TBXAS1: variants seen among roughly 807,000 people sequenced by gnomAD.
TBXAS1 encodes thromboxane-A synthase.
Under a neutral mutation model 60.7 loss-of-function variants are expected in TBXAS1, and 48 were observed. That is an observed-to-expected ratio of 0.79 (90% CI 0.63 to 1.01). The LOEUF (loss-of-function observed/expected upper bound fraction) is 1.01. TBXAS1 is among the 50% of genes least tolerant of loss of function. TBXAS1 has a pLI of 0.00. For synonymous variants in TBXAS1, 287 were observed against 269.7 expected (o/e 1.06, Z -0.63); for missense variants, 685 against 686.3 (o/e 1.00, Z 0.02).
At chr7:139,991,061 T>C (rs909244671) in intron 9 of TBXAS1, among the ~76,000 whole-genome samples, 4 of 152,190 alleles carry the variant, frequency 2.6e-5, no homozygotes, top group African/African-American at 9.7e-5. Context: ...CCACGATCTA[T>C]GGGCTGAAAC....
At chr7:139,994,947 C>G (rs1000103054) in intron 9 of TBXAS1, among the ~76,000 whole-genome samples, 2 of 152,220 alleles carry the variant, frequency 1.3e-5, no homozygotes, top group African/African-American at 4.8e-5. Context: ...GGGCCCTGAC[C>G]AGGGAGGACG....
At chr7:139,780,432 A>G (rs1796945471) in intron 1 of TBXAS1, among the ~76,000 whole-genome samples, 1 of 152,224 alleles carries the variant, frequency 6.6e-6, no homozygotes, top group Non-Finnish European at 1.5e-5. Flanking sequence ...GACAGAAACC[A>G]TGTTTTTCTT....
chr7:139,861,387 C>G (rs1218337050), intron 1 of TBXAS1, among the ~76,000 whole-genome samples: 5 of 151,208 alleles, frequency 3.3e-5, no homozygotes, highest in Admixed American at 3.3e-4. Flanking sequence ...GCATGCACCA[C>G]CACACCTGGC....
At chr7:139,904,800 T>C (rs1408287070) in intron 3 of TBXAS1, among the ~76,000 whole-genome samples, 2 of 152,198 alleles carry the variant, frequency 1.3e-5, no homozygotes, top group Admixed American at 6.5e-5. Flanking sequence ...TAATCTTGTA[T>C]CTGGAAACTT....
At chr7:139,806,242 GTTATTTTATTTTATT>G (rs56308016) in intron 4 of TBXAS1, among the ~76,000 whole-genome samples, 6 of 126,032 alleles carry the variant, frequency 4.8e-5, no homozygotes, top group Admixed American at 1.6e-4. Flanking sequence ...CCTGGCCTAT[GTTATTTTATTTTATT>G]TTATTTTATT....
intron 4 of TBXAS1, among the ~76,000 whole-genome samples, chr7:139,794,801 G>A (rs1445641409): frequency 3.3e-5 from 5 of 150,944 alleles, no homozygotes; most frequent in Admixed American, 6.6e-5. Flanking sequence ...TACTGAGAAT[G>A]ATGTTTTCCA....
chr7:139,885,800 C>G (rs1172393692), intron 3 of TBXAS1, among the ~76,000 whole-genome samples: 1 of 152,134 alleles, frequency 6.6e-6, no homozygotes, highest in Non-Finnish European at 1.5e-5. Context: ...AAAACCAGTT[C>G]TAAATCTTGT....
chr7:139,879,237 C>T (rs1802497159), intron 3 of TBXAS1, among the ~76,000 whole-genome samples: 1 of 152,238 alleles, frequency 6.6e-6, no homozygotes, highest in Non-Finnish European at 1.5e-5. Context: ...AAAATATCTT[C>T]ACCAAGTGTC....
chr7:139,900,258 C>T (rs1327073286), intron 3 of TBXAS1, among the ~76,000 whole-genome samples: 1 of 152,194 alleles, frequency 6.6e-6, no homozygotes, highest in East Asian at 1.9e-4. Flanking sequence ...CAGTAAACTA[C>T]AGAGATAACT....
intron 4 of TBXAS1, among the ~76,000 whole-genome samples, chr7:139,820,856 G>A (rs1798277886): frequency 6.6e-6 from 1 of 152,076 alleles, no homozygotes; most frequent in Admixed American, 6.5e-5. Context: ...ATGAATAAGA[G>A]GTCAATCAGG....
At chr7:139,974,450 A>C (rs1640287157) in intron 9 of TBXAS1, among the ~76,000 whole-genome samples, 1 of 152,170 alleles carries the variant, frequency 6.6e-6, no homozygotes, top group African/African-American at 2.4e-5. Context: ...CCAAGCGAGA[A>C]GGTGGAAAGA....
chr7:139,859,557 C>T (rs568592058), intron 1 of TBXAS1, among the ~76,000 whole-genome samples: 29 of 152,130 alleles, frequency 1.9e-4, no homozygotes, highest in Non-Finnish European at 3.7e-4. Context: ...CTTATGATCA[C>T]GACATAAAAT....
intron 10 of TBXAS1, among the ~76,000 whole-genome samples, chr7:140,012,758 G>C (rs1480644715): frequency 6.6e-6 from 1 of 152,122 alleles, no homozygotes; most frequent in Admixed American, 6.6e-5. Context: ...CACACACCCG[G>C]CCATGACCAG....
Position 139,905,072 on chromosome 7 carries a change from TC to T in TBXAS1, c.237-6152del, listed in dbSNP as rs1569511488. ...CTTTCTTTCTTTCTCTCTCTCTCTC[TC>T]TCTTTCTCTTTCTCCCTCTCTCTCT... On this transcript the variant is annotated intron_variant, in intron 3 of 12. Coordinates refer to ENST00000448866, the MANE Select transcript of TBXAS1 (RefSeq NM_001061.7). Among the ~76,000 whole-genome samples the T allele has an allele frequency of 5.6e-4, 78 of 139,464 alleles. 1 individual carries two copies. The highest frequency in any genetic ancestry group is 1.5e-3 in the African/African-American group (52 of 35,458). 91.5% of individuals were successfully genotyped at this position (139,464 alleles called of 152,430 possible).
intron 9 of TBXAS1, among the ~76,000 whole-genome samples, chr7:139,986,799 GTATATATATATATA>G (rs58751653): frequency 0.043 from 3,495 of 81,472 alleles, 152 homozygotes; most frequent in Admixed American, 0.079. Flanking sequence ...GTGTGTGTGT[GTATATATATATATA>G]TATACACCAT....
chr7:139,963,027 GT>G (rs1569520237), intron 9 of TBXAS1: 1 of 152,174 alleles, frequency 6.6e-6, no homozygotes, highest in African/African-American at 2.4e-5. Flanking sequence ...ATTAAAAAAT[GT>G]TTCATACAAT....
At chr7:139,785,487 G>GTTGT (rs1554462810) in intron 3 of TBXAS1, among the ~76,000 whole-genome samples, 1 of 150,566 alleles carries the variant, frequency 6.6e-6, no homozygotes, top group East Asian at 1.9e-4. Flanking sequence ...TGTTGTTGTT[G>GTTGT]TTTTTTGTGT....
At chr7:139,997,274 G>A (rs1813364920) in intron 9 of TBXAS1, among the ~76,000 whole-genome samples, 1 of 152,146 alleles carries the variant, frequency 6.6e-6, no homozygotes, top group South Asian at 2.1e-4. Flanking sequence ...ATTAAATGTG[G>A]TCCACTCACT....
intron 1 of TBXAS1, among the ~76,000 whole-genome samples, chr7:139,842,189 G>T (rs1799493675): frequency 1.3e-5 from 2 of 152,218 alleles, no homozygotes; most frequent in South Asian, 4.2e-4. Context: ...AATATTTATG[G>T]TCATACCTTC....
Sources: gnomAD v4.1 joint callset for allele counts (sites outside exome capture counted in the v4.1 genomes callset) on GRCh38, gnomAD v4.1.1 for gene constraint, MANE v1.5 for transcripts, NCBI Gene and HGNC (gene_info 2026-07-23, HGNC 2026-07-21) for gene names.